SH2D1A: variants seen among roughly 807,000 people sequenced by gnomAD.
SH2D1A encodes SH2 domain containing 1A.
Under a neutral mutation model 10.1 loss-of-function variants are expected in SH2D1A, and 6 were observed. That is an observed-to-expected ratio of 0.60 (90% confidence interval 0.33 to 1.18). The LOEUF is 1.18. SH2D1A is among the 50% of genes most tolerant of loss of function. The probability of loss-of-function intolerance (pLI) is 0.04; values close to 1 mark genes in which losing one functional copy is unlikely to be tolerated. For missense variants in SH2D1A, 51 were observed against 97.6 expected (o/e 0.52, Z 2.01); for synonymous variants, 42 against 36.9 (o/e 1.14, Z -0.51).
intron 1 of SH2D1A, among the ~76,000 whole-genome samples, chrX:124,363,955 A>G (rs900460237): frequency 5.5e-5 from 6 of 108,875 alleles, no homozygotes; most frequent in African/African-American, 2.0e-4. Flanking sequence ...TAGCACAGAC[A>G]ATTACATACA....
intron 1 of SH2D1A, 52 bp downstream of exon 1, chrX:124,346,831 A>G: frequency 1.7e-6 from 2 of 1,198,153 alleles, no homozygotes; most frequent in Non-Finnish European, 2.3e-6. Context: ...GCGGTGGGCA[A>G]CAGCAGCTGG....
rs1052898432 is a variant in SH2D1A at position 124,372,258 on chromosome X, A to T, written c.*867A>T. On this transcript the variant is annotated 3_prime_UTR_variant, in exon 4 of 4. Coordinates refer to ENST00000371139, the MANE Select transcript of SH2D1A (RefSeq NM_002351.5). ...GTTTATGGTTGTATTATTTTTTAAAAAAATTCCAAGTGATTGAAACCTACA... is the reference window on the plus strand; with the variant it reads ...GTTTATGGTTGTATTATTTTTTAAATAAATTCCAAGTGATTGAAACCTACA... 1 of 166,898 alleles carries T rather than the reference A, an allele frequency of 6.0e-6. No homozygotes were observed. The highest frequency in any genetic ancestry group is 1.2e-5 in the Non-Finnish European group (1 of 86,505). 13.8% of individuals were successfully genotyped at this position (166,898 alleles called of 1,213,427 possible). A position where few individuals can be genotyped will look rare whatever the true frequency, so the allele number is the denominator to read the frequency against.
chrX:124,369,105 T>A (rs2060063099), intron 2 of SH2D1A, among the ~76,000 whole-genome samples: 1 of 111,400 alleles, frequency 9.0e-6, no homozygotes, highest in Admixed American at 9.5e-5. Context: ...GATAGTGTAG[T>A]ATGCTATCTT....
At chrX:124,357,503 T>C (rs7054184) in intron 1 of SH2D1A, among the ~76,000 whole-genome samples, 3,913 of 112,046 alleles carry the variant, frequency 0.035, 191 homozygotes, top group African/African-American at 0.12. Flanking sequence ...TTTTGATATA[T>C]ACCCAGCAGT....
intron 1 of SH2D1A, among the ~76,000 whole-genome samples, chrX:124,362,911 G>A (rs1327623825): frequency 9.0e-6 from 1 of 110,738 alleles, no homozygotes; most frequent in African/African-American, 3.3e-5. Context: ...TAGGATTGGG[G>A]GCCTTATTAC....
chrX:124,369,625 A>T (rs1325321483), intron 2 of SH2D1A, among the ~76,000 whole-genome samples: 1 of 112,029 alleles, frequency 8.9e-6, no homozygotes, highest in Non-Finnish European at 1.9e-5. Context: ...GAGGTGAAAG[A>T]GTATGAGGAC....
At chrX:124,367,097 T>A (rs1315459333) in intron 2 of SH2D1A, among the ~76,000 whole-genome samples, 2 of 111,736 alleles carry the variant, frequency 1.8e-5, no homozygotes, top group Non-Finnish European at 1.9e-5. Flanking sequence ...ATGCTTGTGA[T>A]CATGTTAAAG....
Position 124,365,763 on chromosome X carries a change from A to T in SH2D1A, c.140A>T (p.Tyr47Phe). The change falls in exon 2 of 4, where the codon TAT becomes TTT. Residue 47 changes from tyrosine to phenylalanine, a missense_variant and splice_region_variant. Tyr to Phe is a conservative substitution (Grantham distance 22). Coordinates refer to ENST00000371139, the MANE Select transcript of SH2D1A (RefSeq NM_002351.5). ...AATGGAAGTTTATTCTTTCACAGGT[A>T]TCACGGTTACATTTATACATACCGA... ...VPGVYCLCVLYHGYIYTYRVS... is the reference protein window; with the variant it reads ...VPGVYCLCVLFHGYIYTYRVS... 1.8e-5 allele frequency: 20 copies of T among 1,141,698 alleles called. No homozygotes were observed. The highest frequency in any genetic ancestry group is 2.4e-5 in the Non-Finnish European group (20 of 831,620). 94.1% of individuals were successfully genotyped at this position (1,141,698 alleles called of 1,213,427 possible). A position where few individuals can be genotyped will look rare whatever the true frequency, so the allele number is the denominator to read the frequency against.
rs191006793 is a variant in SH2D1A, at chrX:124,353,189, T to G, written c.137+6410T>G. 1.9e-5 allele frequency: 3 copies of G among 155,973 alleles called. No individual in the cohort carries two copies. The East Asian group carries it at 4.8e-4, about 25-fold the overall frequency. 12.9% of individuals were successfully genotyped at this position (155,973 alleles called of 1,213,427 possible). On this transcript the variant is annotated intron_variant, in intron 1 of 3. Transcript: ENST00000371139. ...GGTTACATTAAATTTATTAATAAAC[T>G]AAGAATGAATTGTCATCTTTAAATA... is the stretch of plus-strand genomic sequence containing the variant.
chrX:124,347,139 C>T (rs1197035385), intron 1 of SH2D1A, among the ~76,000 whole-genome samples: 1 of 111,704 alleles, frequency 9.0e-6, no homozygotes, highest in Admixed American at 9.4e-5. Context: ...GGGTGGCGCC[C>T]TGCGAGCCTT....
rs1338347297 is a variant in SH2D1A, at chrX:124,372,893, C to T, written c.*1502C>T. The T allele has an allele frequency of 1.9e-5, 3 of 158,552 alleles. No homozygotes were observed. Among genetic ancestry groups the T allele is most frequent in the Non-Finnish European group, 2.5e-5 (2 of 80,931 alleles). The allele number at this position is 158,552 out of a possible 1,213,427, so 13.1% of individuals were successfully genotyped here. The stretch of plus-strand genomic sequence containing the variant: ...GGTTTACCATTTCTTGAGGTAAAAG[C>T]ATCACATGAACTTGTAAAGGAATTT... On this transcript the variant is annotated 3_prime_UTR_variant, in exon 4 of 4. Coordinates refer to ENST00000371139, the MANE Select transcript of SH2D1A (RefSeq NM_002351.5).
chrX:124,366,163 G>A (rs914646429), intron 2 of SH2D1A, among the ~76,000 whole-genome samples: 1 of 111,169 alleles, frequency 9.0e-6, no homozygotes, highest in East Asian at 2.8e-4. Context: ...ACCAATATGA[G>A]TATTGGTATC....
At chrX:124,350,952 ATATAT>A (rs1437650767) in intron 1 of SH2D1A, among the ~76,000 whole-genome samples, 2 of 64,828 alleles carry the variant, frequency 3.1e-5, no homozygotes, top group East Asian at 4.0e-4. Flanking sequence ...ATAAGATATA[ATATAT>A]TATATATTGT....
At chrX:124,347,588 G>A (rs2059997008) in intron 1 of SH2D1A, among the ~76,000 whole-genome samples, 1 of 111,342 alleles carries the variant, frequency 9.0e-6, no homozygotes, top group Non-Finnish European at 1.9e-5. Context: ...CTCGTCAGAT[G>A]TTAGGTTTGT....
At chrX:124,361,457 A>C (rs778598816) in intron 1 of SH2D1A, among the ~76,000 whole-genome samples, 2 of 112,120 alleles carry the variant, frequency 1.8e-5, no homozygotes, top group Non-Finnish European at 3.8e-5. Flanking sequence ...TGAGAGGAGG[A>C]GTATTGCTGT....
intron 1 of SH2D1A, among the ~76,000 whole-genome samples, chrX:124,351,326 T>G (rs754703566): frequency 9.2e-6 from 1 of 108,739 alleles, no homozygotes; most frequent in South Asian, 3.8e-4. Context: ...GACATTTGAC[T>G]CATTCCATAT....
chrX:124,362,249 G>A (rs2060041736), intron 1 of SH2D1A, among the ~76,000 whole-genome samples: 1 of 112,387 alleles, frequency 8.9e-6, no homozygotes, highest in Admixed American at 9.4e-5. Context: ...TTCAAAAAGT[G>A]AGACTGACAT....
chrX:124,364,570 T>C (rs761438073), intron 1 of SH2D1A, among the ~76,000 whole-genome samples: 11 of 109,477 alleles, frequency 1.0e-4, no homozygotes, highest in African/African-American at 3.0e-4. Flanking sequence ...AGTGGCGTGA[T>C]CTCGTCTCAC....
At chrX:124,357,342 G>A (rs1348051542) in intron 1 of SH2D1A, among the ~76,000 whole-genome samples, 1 of 112,286 alleles carries the variant, frequency 8.9e-6, no homozygotes, top group Non-Finnish European at 1.9e-5. Flanking sequence ...AGGCTGAATA[G>A]TATTCCATTG....
Sources: allele counts gnomAD v4.1 joint callset (sites outside exome capture counted in the v4.1 genomes callset), GRCh38; gene constraint gnomAD v4.1.1; transcripts MANE v1.5; gene names NCBI Gene and HGNC (gene_info 2026-07-23, HGNC 2026-07-21).